CACNA1H: variants seen among roughly 807,000 people sequenced by gnomAD.
The protein encoded by CACNA1H is calcium voltage-gated channel subunit alpha1 H.
In CACNA1H, 149 loss-of-function variants were observed where a neutral mutation model predicts 192.5. The ratio of observed to expected loss-of-function variants is 0.77; its 90% CI spans 0.68 to 0.89. The LOEUF is 0.89. Ranked by LOEUF, CACNA1H falls within the 40% of genes least tolerant of loss-of-function variation. The pLI is 0.00. For missense variants in CACNA1H, 4,257 were observed against 3,423.5 expected (o/e 1.24, Z -6.08); for synonymous variants, 2,202 against 1,475.2 (o/e 1.49, Z -11.29).
chr16:1,195,258 G>A (rs1966863852), intron 3 of CACNA1H, among the ~76,000 whole-genome samples, 174 bp from the exon 4 acceptor site: 1 of 147,140 alleles, frequency 6.8e-6, no homozygotes, highest in African/African-American at 2.5e-5. Context: ...GGTGGGGCAG[G>A]GCGAGAGGCG....
At chr16:1,173,787 C>G (rs1685875484) in intron 2 of CACNA1H, among the ~76,000 whole-genome samples, 1 of 152,256 alleles carries the variant, frequency 6.6e-6, no homozygotes, top group African/African-American at 2.4e-5. Flanking sequence ...TCCTGAAAGG[C>G]TGTGGGTGTT....
In CACNA1H at chr16:1,200,765, C is replaced by T. The variant is rs1321836627; in HGVS notation, c.1169C>T (p.Ala390Val). 3.9e-6 allele frequency: 6 copies of T among 1,555,806 alleles called. No homozygotes were observed. Among genetic ancestry groups the T allele is most frequent in the African/African-American group, 1.4e-5 (1 of 73,316 alleles). Residue 390 changes from alanine to valine, a missense_variant, in exon 8 of 35, where the codon GCC (alanine) becomes GTC (valine). Coordinates refer to ENST00000348261, the MANE Select transcript of CACNA1H (RefSeq NM_021098.3). ...WVDIMYYVMDAHSFYNFIYFI... is the reference protein window; with the variant it reads ...WVDIMYYVMDVHSFYNFIYFI... ...GACATCATGTACTACGTCATGGACG[C>T]CCACTCATTCTACAACTTCATCTAT...
At chr16:1,174,706 A>G (rs1265480278) in intron 2 of CACNA1H, among the ~76,000 whole-genome samples, 3 of 152,212 alleles carry the variant, frequency 2.0e-5, no homozygotes, top group African/African-American at 7.2e-5. Flanking sequence ...AAAATGACTC[A>G]GACAGTTCAC....
At chr16:1,208,899 T>C (rs1356350601) in intron 16 of CACNA1H, 133 bp from the exon 17 acceptor site, 1 of 980,744 alleles carries the variant, frequency 1.0e-6, no homozygotes, top group Admixed American at 3.6e-5. Flanking sequence ...AATCACAGCC[T>C]CCACCGTGCC....
intron 6 of CACNA1H, among the ~76,000 whole-genome samples, chr16:1,199,751 G>A (rs1751070030): frequency 6.7e-6 from 1 of 149,118 alleles, no homozygotes; most frequent in African/African-American, 2.5e-5. Flanking sequence ...CACACCCCGG[G>A]GTTCCCTGCC....
chr16:1,202,137 G>A lies in CACNA1H; in HGVS notation c.1687G>A (p.Gly563Ser), dbSNP rs1368593523. 1 of 1,548,596 alleles carries A rather than the reference G, an allele frequency of 6.5e-7. No individual in the cohort carries two copies. The highest frequency in any genetic ancestry group is 8.7e-7 in the Non-Finnish European group (1 of 1,146,458). Residue 563 changes from glycine (G) to serine (S), a missense_variant, in exon 9 of 35, where the codon GGC (glycine) becomes AGC (serine). Transcript: ENST00000348261. Reference sequence around the variant, plus strand: ...CGCGCCCCCCTCGCCACCTTCCCCAGGCCGCGGACCCCCCGACGCAGAGTC... The same window carrying A: ...CGCGCCCCCCTCGCCACCTTCCCCAAGCCGCGGACCCCCCGACGCAGAGTC... ...AGAPPSPPSPGRGPPDAESVH... is the reference protein window; with the variant it reads ...AGAPPSPPSPSRGPPDAESVH...
rs1275938567 is a variant in CACNA1H at position 1,204,155 on chromosome 16, C to T, written c.2148C>T (p.Gly716=). The T allele has an allele frequency of 3.7e-6, 6 of 1,612,396 alleles. No homozygotes were observed. Among genetic ancestry groups the T allele is most frequent in the East Asian group, 2.2e-5 (1 of 44,874 alleles). Residue 716 remains glycine (G), a synonymous_variant, in exon 10 of 35, where the codon GGC becomes GGT. Transcript: ENST00000348261. ...AGGACCCGGAGGGTGAGCTCAGCGG[C>T]TCGGAAAGTGGAGACTCAGATGGCC... is the stretch of plus-strand genomic sequence containing the variant. ...ALEDPEGELS[G]SESGDSDGRG...
intron 5 of CACNA1H, among the ~76,000 whole-genome samples, chr16:1,197,886 C>T (rs1028353348): frequency 4.6e-5 from 7 of 152,128 alleles, no homozygotes; most frequent in African/African-American, 1.2e-4. Flanking sequence ...GAGCGAGGGG[C>T]GCGTGGGGCT....
In CACNA1H at chr16:1,221,748, A is replaced by C; in HGVS notation, c.*754A>C. 6.4e-7 allele frequency: 1 copy of C among 1,553,806 alleles called. No individual in the cohort carries two copies. Among genetic ancestry groups the C allele is most frequent in the Non-Finnish European group, 8.7e-7 (1 of 1,147,358 alleles). Reference sequence around the variant, plus strand: ...GAGAGGGAGGGGGCGGAGCGGAATAAATAGTAACTTATTTAAGAAATGCAC... The same window carrying C: ...GAGAGGGAGGGGGCGGAGCGGAATACATAGTAACTTATTTAAGAAATGCAC... On this transcript the variant is annotated 3_prime_UTR_variant, in exon 35 of 35. Coordinates refer to ENST00000348261, the MANE Select transcript of CACNA1H (RefSeq NM_021098.3).
intron 2 of CACNA1H, among the ~76,000 whole-genome samples, chr16:1,158,560 G>GT (rs1171576785): frequency 2.0e-5 from 3 of 152,210 alleles, no homozygotes; most frequent in African/African-American, 7.2e-5. Context: ...GGAAGTGGGC[G>GT]TGACGCCAGC....
intron 2 of CACNA1H, among the ~76,000 whole-genome samples, chr16:1,176,640 G>C (rs975878505): frequency 2.6e-5 from 4 of 152,224 alleles, no homozygotes; most frequent in Admixed American, 6.5e-5. Context: ...CACAGGCCCC[G>C]GGACCAGCCA....
At chr16:1,217,207 G>A (rs142829110) in intron 31 of CACNA1H, among the ~76,000 whole-genome samples, 197 bp downstream of exon 31, 1,697 of 152,356 alleles carry the variant, frequency 0.011, 22 homozygotes, top group Non-Finnish European at 0.015. Context: ...TGACGCAGAG[G>A]CATGTGCCCA....
chr16:1,157,174 G>GA (rs1962535538), intron 2 of CACNA1H: 1 of 152,122 alleles, frequency 6.6e-6, no homozygotes, highest in African/African-American at 2.4e-5. Flanking sequence ...CAGGAAGGGG[G>GA]ACCCTGCTTC....
At chr16:1,176,095 C>G (rs1018928807) in intron 2 of CACNA1H, among the ~76,000 whole-genome samples, 2 of 152,234 alleles carry the variant, frequency 1.3e-5, no homozygotes, top group African/African-American at 4.8e-5. Context: ...ATCTTTACAC[C>G]TCATCGCAGA....
chr16:1,195,202 C>T (rs1340823692), intron 3 of CACNA1H, 119 bp downstream of exon 3: 3 of 353,726 alleles, frequency 8.5e-6, no homozygotes, highest in East Asian at 1.0e-4. Context: ...GGGTCAGGGT[C>T]GGGGATCAGG....
At position 1,153,395 on chromosome 16, in the gene CACNA1H, G is replaced by C; in HGVS notation, c.-94G>C. ...GGCGCTGGGGGCCGGGGCCGGGGCC[G>C]GGCGCCGAGCGGGGTCCGCGGTGAC... On this transcript the variant is annotated 5_prime_UTR_variant, in exon 1 of 35. Transcript: ENST00000348261. 7.0e-6 allele frequency: 1 copy of C among 142,032 alleles called. No homozygotes were observed. The highest frequency in any genetic ancestry group is 1.6e-5 in the Non-Finnish European group (1 of 63,594). The allele number at this position is 142,032 out of a possible 1,614,324, so 8.8% of individuals were successfully genotyped here.
Position 1,204,103 on chromosome 16 carries a change from G to C in CACNA1H, c.2096G>C (p.Ser699Thr). 1.9e-6 allele frequency: 3 copies of C among 1,611,066 alleles called. No homozygotes were observed. Among genetic ancestry groups the C allele is most frequent in the Non-Finnish European group, 2.5e-6 (3 of 1,179,264 alleles). The change falls in exon 10 of 35, where the codon AGC becomes ACC. Residue 699 changes from serine (S) to threonine (T), a missense_variant. By Grantham distance (58) the Ser-to-Thr change is moderately conservative. Coordinates refer to ENST00000348261, the MANE Select transcript of CACNA1H (RefSeq NM_021098.3). Reference sequence around the variant, plus strand: ...GGCACACTGACCTGTGAGCTGAAGAGCTGCCCGTACTGCACCCGTGCCCTG... The same window carrying C: ...GGCACACTGACCTGTGAGCTGAAGACCTGCCCGTACTGCACCCGTGCCCTG... Reference protein sequence around the residue: ...PAGTLTCELKSCPYCTRALED... With the variant: ...PAGTLTCELKTCPYCTRALED...
At chr16:1,210,187 C>G in intron 18 of CACNA1H, 52 bp downstream of exon 18, 1 of 1,450,812 alleles carries the variant, frequency 6.9e-7, no homozygotes, top group Non-Finnish European at 9.4e-7. Context: ...CCACGGGACC[C>G]CCGCCCCCAG....
chr16:1,202,066 C>T lies in CACNA1H; in HGVS notation c.1616C>T (p.Pro539Leu), dbSNP rs865782313. 1 of 1,539,902 alleles carries T rather than the reference C, an allele frequency of 6.5e-7. No homozygotes were observed. Among genetic ancestry groups the T allele is most frequent in the Non-Finnish European group, 8.7e-7 (1 of 1,144,762 alleles). ...YHFSHGSPRRPGPEPGACDTR... is the reference protein window; with the variant it reads ...YHFSHGSPRRLGPEPGACDTR... Reference sequence around the variant, plus strand: ...TTCAGCCATGGCAGCCCCCGCAGGCCCGGCCCCGAGCCAGGCGCCTGCGAC... The same window carrying T: ...TTCAGCCATGGCAGCCCCCGCAGGCTCGGCCCCGAGCCAGGCGCCTGCGAC... Residue 539 changes from proline to leucine, a missense_variant, in exon 9 of 35, where the codon CCC becomes CTC. Physicochemically the swap from Pro to Leu is moderately conservative, Grantham distance 98 (BLOSUM62 -3). Coordinates refer to ENST00000348261, the MANE Select transcript of CACNA1H (RefSeq NM_021098.3).
Sources: gnomAD v4.1 joint callset for allele counts (sites outside exome capture counted in the v4.1 genomes callset) on GRCh38, gnomAD v4.1.1 for gene constraint, MANE v1.5 for transcripts, NCBI Gene and HGNC (gene_info 2026-07-23, HGNC 2026-07-21) for gene names.